The following EPM2A variants were observed in gnomAD, a reference collection of about 807,000 sequenced individuals.
EPM2A encodes the protein laforin.
In EPM2A, 21 loss-of-function variants were observed where a neutral mutation model predicts 26.5. That is an observed-to-expected ratio of 0.79 (90% confidence interval 0.56 to 1.14). EPM2A has a LOEUF of 1.14. Among genes scored for constraint, EPM2A ranks in the 50% most tolerant of loss-of-function variants. EPM2A has a pLI of 0.00. For missense variants in EPM2A, 458 were observed against 440.8 expected, an observed-to-expected ratio of 1.04 and a Z score of -0.35; for synonymous variants, 217 against 177.6, an observed-to-expected ratio of 1.22 and a Z score of -1.76.
At chr6:145,445,494 T>C (rs1779118236) in intron 4 of EPM2A, among the ~76,000 whole-genome samples, 1 of 152,224 alleles carries the variant, frequency 6.6e-6, no homozygotes, top group South Asian at 2.1e-4. Flanking sequence ...TTCAGAAGAA[T>C]AGATTACGAC....
chr6:145,499,830 G>GA (rs1272667242), downstream of EPM2A, among the ~76,000 whole-genome samples: 1 of 152,112 alleles, frequency 6.6e-6, no homozygotes, highest in Non-Finnish European at 1.5e-5. Context: ...GTATATTTTG[G>GA]AAAAATGAAT....
Position 145,625,752 on chromosome 6 carries a change from C to T in EPM2A, c.*1664G>A, listed in dbSNP as rs747651476. 5.7e-6 allele frequency: 6 copies of T among 1,051,884 alleles called. No individual in the cohort carries two copies. Among genetic ancestry groups the T allele is most frequent in the South Asian group, 1.3e-5 (1 of 78,224 alleles). 65.2% of individuals were successfully genotyped at this position (1,051,884 alleles called of 1,614,324 possible). Reference sequence around the variant, plus strand: ...CTGCCCAAAGCAAATGTCATCTCCCCTAAGTGCCACAGTTCTATCTCCCCG... The same window carrying T: ...CTGCCCAAAGCAAATGTCATCTCCCTTAAGTGCCACAGTTCTATCTCCCCG... On this transcript the variant is annotated 3_prime_UTR_variant, in exon 4 of 4. Coordinates refer to ENST00000367519, the MANE Select transcript of EPM2A (RefSeq NM_005670.4).
At chr6:145,516,063 T>C (rs140197264) in intron 2 of EPM2A, among the ~76,000 whole-genome samples, 461 of 152,294 alleles carry the variant, frequency 3.0e-3, no homozygotes, top group African/African-American at 9.7e-3. Context: ...AGTTGGTAAC[T>C]GTCCTTCTCA....
chr6:145,495,760 A>G (rs2114745589), intron 4 of EPM2A, among the ~76,000 whole-genome samples: 1 of 152,198 alleles, frequency 6.6e-6, no homozygotes, highest in East Asian at 1.9e-4. Context: ...TATTTTTAGT[A>G]GAGATGGGGT....
At chr6:145,506,557 A>C (rs1779976599) in intron 2 of EPM2A, among the ~76,000 whole-genome samples, 1 of 151,722 alleles carries the variant, frequency 6.6e-6, no homozygotes, top group Admixed American at 6.6e-5. Flanking sequence ...ATTAAAAATT[A>C]AATATATATT....
At chr6:145,552,991 T>C (rs1422337650) in intron 2 of EPM2A, among the ~76,000 whole-genome samples, 1 of 152,102 alleles carries the variant, frequency 6.6e-6, no homozygotes, top group African/African-American at 2.4e-5. Flanking sequence ...TGGCTCTGTG[T>C]CCCCACCCAA....
At chr6:145,594,859 G>GT (rs1429208412) in intron 2 of EPM2A, among the ~76,000 whole-genome samples, 5 of 151,118 alleles carry the variant, frequency 3.3e-5, no homozygotes, top group Non-Finnish European at 4.4e-5. Context: ...TTCCCATTAG[G>GT]TTTTTTTAAT....
intron 1 of EPM2A, among the ~76,000 whole-genome samples, chr6:145,711,276 T>C (rs1478486099): frequency 1.3e-5 from 2 of 152,174 alleles, no homozygotes; most frequent in African/African-American, 4.8e-5. Context: ...ATTTAAAGGA[T>C]GTGGCTGAAG....
In EPM2A at chr6:145,635,701, C is replaced by T. The variant is rs75572793; in HGVS notation, c.477-215G>A. The T allele has an allele frequency of 0.024, 12,900 of 544,988 alleles. 222 individuals carry two copies. The highest frequency in any genetic ancestry group is 0.028 in the South Asian group (1,351 of 47,688). The allele number at this position is 544,988 out of a possible 1,614,324, so 33.8% of individuals were successfully genotyped here. ...AAGCAAGTATTTCAATTAACTAGAA[C>T]GCCAGGAAATGGACATTTGCAAACC... is the stretch of plus-strand genomic sequence containing the variant. On this transcript the variant is annotated intron_variant, in intron 2 of 3. Transcript: ENST00000367519.
In EPM2A at chr6:145,538,401, T is replaced by C. The variant is rs544838774; in HGVS notation, c.341-35826A>G. 1.6e-4 allele frequency among the ~76,000 whole-genome samples: 24 copies of C among 152,322 alleles called. No individual in the cohort carries two copies. The South Asian group carries it at 4.6e-3, about 29-fold the overall frequency. On this transcript the variant is annotated intron_variant, in intron 2 of 3. Transcript: ENST00000450221. ...CAAATAGATTTTGGATTTGTTTGAATGTAAATAAGAGAATACTCAGGCAGC... is the reference window on the plus strand; with the variant it reads ...CAAATAGATTTTGGATTTGTTTGAACGTAAATAAGAGAATACTCAGGCAGC...
chr6:145,460,302 TAG>T (rs1193568342), intron 4 of EPM2A, among the ~76,000 whole-genome samples: 1 of 152,150 alleles, frequency 6.6e-6, no homozygotes, highest in Non-Finnish European at 1.5e-5. Flanking sequence ...AAACCAGAAG[TAG>T]AGAGATTTGT....
At chr6:145,439,776 A>C (rs1476546788) in intron 4 of EPM2A, among the ~76,000 whole-genome samples, 1 of 151,908 alleles carries the variant, frequency 6.6e-6, no homozygotes, top group Non-Finnish European at 1.5e-5. Context: ...TTGCCTGTTT[A>C]CTCTGTTGAT....
chr6:145,590,817 A>C (rs982076233), intron 2 of EPM2A, among the ~76,000 whole-genome samples: 6 of 152,194 alleles, frequency 3.9e-5, no homozygotes, highest in African/African-American at 1.4e-4. Flanking sequence ...GCTCAGCTTC[A>C]AAAAATCATA....
chr6:145,508,056 G>A (rs967665798), intron 2 of EPM2A, among the ~76,000 whole-genome samples: 4 of 152,198 alleles, frequency 2.6e-5, no homozygotes, highest in African/African-American at 9.6e-5. Context: ...AAGCCCCCTT[G>A]AGTCAAAGAA....
chr6:145,410,967 T>A (rs1778634676), intron 4 of EPM2A, among the ~76,000 whole-genome samples: 1 of 152,168 alleles, frequency 6.6e-6, no homozygotes, highest in South Asian at 2.1e-4. Flanking sequence ...ACCAGTTTTC[T>A]CTAATAACAT....
chr6:145,675,867 G>T (rs1336885082), intron 2 of EPM2A, among the ~76,000 whole-genome samples: 1 of 152,138 alleles, frequency 6.6e-6, no homozygotes, highest in Non-Finnish European at 1.5e-5. Context: ...ATATTAGACA[G>T]ATCAACAAAA....
chr6:145,577,197 T>C (rs1435801551), intron 2 of EPM2A, among the ~76,000 whole-genome samples: 1 of 152,018 alleles, frequency 6.6e-6, no homozygotes, highest in Non-Finnish European at 1.5e-5. Flanking sequence ...TAACATTTCA[T>C]GTAAATGGAC....
At chr6:145,730,019 C>A (rs748637582) in intron 1 of EPM2A, among the ~76,000 whole-genome samples, 8 of 152,098 alleles carry the variant, frequency 5.3e-5, no homozygotes, top group Non-Finnish European at 1.0e-4. Flanking sequence ...AGCACTTCCC[C>A]ATCTTTCTCT....
intron 2 of EPM2A, among the ~76,000 whole-genome samples, chr6:145,662,499 T>C (rs1442663189): frequency 6.6e-6 from 1 of 152,164 alleles, no homozygotes; most frequent in Non-Finnish European, 1.5e-5. Flanking sequence ...AACTTAGGAT[T>C]GATTATGACT....
Sources: gnomAD v4.1 joint callset for allele counts (sites outside exome capture counted in the v4.1 genomes callset) on GRCh38, gnomAD v4.1.1 for gene constraint, MANE v1.5 for transcripts, NCBI Gene and HGNC (gene_info 2026-07-23, HGNC 2026-07-21) for gene names.